The following CSMD2 variants were observed in gnomAD, a reference collection of about 807,000 sequenced individuals.
CSMD2 encodes the protein CUB and Sushi multiple domains 2.
Under a neutral mutation model 398.5 loss-of-function variants are expected in CSMD2, and 130 were observed. The observed-to-expected ratio is 0.33, with a 90% CI of 0.28 to 0.38. The LOEUF is 0.38. CSMD2 is among the 10% of genes least tolerant of loss of function. CSMD2 has a pLI of 1.00. For synonymous variants in CSMD2, 1,828 were observed against 1,908.5 expected (o/e 0.96, Z 1.10); for missense variants, 3,829 against 4,764.9 (o/e 0.80, Z 5.78).
intron 41 of CSMD2, among the ~76,000 whole-genome samples, chr1:33,607,239 G>A (rs1245100130): frequency 6.6e-6 from 1 of 152,218 alleles, no homozygotes; most frequent in African/African-American, 2.4e-5. Context: ...AGTTGCTTAT[G>A]CTGCTACTAA....
Position 33,547,837 on chromosome 1 carries a change from A to G in CSMD2, c.8918-1618T>C, listed in dbSNP as rs552019291. Among the ~76,000 whole-genome samples, 266 of 152,316 alleles carry G rather than the reference A, an allele frequency of 1.7e-3. 1 individual carries two copies. Among genetic ancestry groups the G allele is most frequent in the Non-Finnish European group, 2.7e-3 (184 of 68,030 alleles). ...ACACTGGCTAGCTAACCTCAGCTGG[A>G]GCTAGCACTATTGTAAAATAGGCAC... is the stretch of plus-strand genomic sequence containing the variant. On this transcript the variant is annotated intron_variant, in intron 56 of 70. Coordinates refer to ENST00000373381, the MANE Select transcript of CSMD2 (RefSeq NM_001281956.2).
At chr1:33,904,865 C>A (rs1390238889) in intron 5 of CSMD2, among the ~76,000 whole-genome samples, 1 of 152,144 alleles carries the variant, frequency 6.6e-6, no homozygotes, top group Non-Finnish European at 1.5e-5. Context: ...CCAGGATGGT[C>A]TCAATCTCCT....
At chr1:33,606,133 C>T in intron 41 of CSMD2, 3 of 1,255,904 alleles carry the variant, frequency 2.4e-6, no homozygotes, top group African/African-American at 1.5e-5. Context: ...TCCATGGAAG[C>T]AGCTGAGGCC....
Position 33,587,149 on chromosome 1 carries a change from G to A in CSMD2, c.6876C>T (p.Cys2292=), listed in dbSNP as rs1283125712. ...IAFSAYPLTK[C]PPPTILPNAE... is the part of the protein sequence containing the mutation. ...CGTTGGGGAGGATGGTGGGAGGAGG[G>A]CATTTGGTGAGTGGATAAGCTGAAA... The change falls in exon 45 of 71, where the codon TGC becomes TGT. Residue 2292 remains cysteine, a synonymous_variant. Transcript: ENST00000373381. 6.2e-7 allele frequency: 1 copy of A among 1,609,850 alleles called. No individual in the cohort carries two copies. The highest frequency in any genetic ancestry group is 1.1e-5 in the South Asian group (1 of 89,568).
Position 33,714,873 on chromosome 1 carries a change from C to A in CSMD2, c.3218-98G>T, listed in dbSNP as rs1646115478. 11 of 1,198,934 alleles carry A rather than the reference C, an allele frequency of 9.2e-6. No homozygotes were observed. In the South Asian group the frequency reaches 9.8e-5, roughly 11 times the overall value. 74.3% of individuals were successfully genotyped at this position (1,198,934 alleles called of 1,614,324 possible). ...AGGCAAAACACCAGGGGGAAAGGGC[C>A]AGGGACAACGAAAGACAGAGAAGAG... On this transcript the variant is annotated intron_variant, in intron 20 of 70. Coordinates refer to ENST00000373381, the MANE Select transcript of CSMD2 (RefSeq NM_001281956.2).
At chr1:33,664,379 GACATTGTTATATAACACAATTTC>G (rs1418269901) in intron 25 of CSMD2, among the ~76,000 whole-genome samples, 1 of 152,016 alleles carries the variant, frequency 6.6e-6, no homozygotes, top group Non-Finnish European at 1.5e-5. Flanking sequence ...TGCAGAAATG[GACATTGTTATATAACACAATTTC>G]ACATGAAATT....
At position 33,546,159 on chromosome 1, in the gene CSMD2, T is replaced by C. The variant is rs1239110222; in HGVS notation, c.8978A>G (p.Asp2993Gly). The change falls in exon 57 of 71, where the codon GAC (aspartate) becomes GGC (glycine). Residue 2993 changes from aspartate to glycine, a missense_variant. Asp to Gly is a moderately conservative substitution (Grantham distance 94). Coordinates refer to ENST00000373381, the MANE Select transcript of CSMD2 (RefSeq NM_001281956.2). ...CATCACAGTGCCTGGATCAAAGCTG[T>C]CCCCCAAACGGATGCCATGAGCCGG... ...GIPAHGIRLGDSFDPGTVMRF... is the reference protein window; with the variant it reads ...GIPAHGIRLGGSFDPGTVMRF... The C allele has an allele frequency of 9.3e-6, 15 of 1,614,040 alleles. No individual in the cohort carries two copies. The Admixed American group carries it at 1.0e-4, about 11-fold the overall frequency.
At chr1:33,703,825 C>T (rs1011384549) in intron 22 of CSMD2, among the ~76,000 whole-genome samples, 2 of 152,140 alleles carry the variant, frequency 1.3e-5, no homozygotes, top group African/African-American at 2.4e-5. Context: ...TGCTTTATAT[C>T]CTTGCTGATA....
chr1:33,905,786 C>T (rs1643052064), intron 5 of CSMD2, among the ~76,000 whole-genome samples: 1 of 152,162 alleles, frequency 6.6e-6, no homozygotes, highest in South Asian at 2.1e-4. Flanking sequence ...CAGGAGAGGG[C>T]TGGCCTTTGA....
chr1:33,525,036 C>G lies in CSMD2; in HGVS notation c.10242G>C (p.Gly3414=). 2 of 1,614,118 alleles carry G rather than the reference C, an allele frequency of 1.2e-6. No homozygotes were observed. Among genetic ancestry groups the G allele is most frequent in the Non-Finnish European group, 1.7e-6 (2 of 1,180,006 alleles). ...ACAGGGAATTCTTGGCAAAAACATCCCCAGGAACTAGAGGAATTGAGAAAT... is the reference window on the plus strand; with the variant it reads ...ACAGGGAATTCTTGGCAAAAACATCGCCAGGAACTAGAGGAATTGAGAAAT... ...EPPLTQALIP[G]DVFAKNSLWK... Residue 3414 remains glycine (G), a synonymous_variant, in exon 66 of 71, where the codon GGG becomes GGC. Transcript: ENST00000373381.
intron 1 of CSMD2, among the ~76,000 whole-genome samples, chr1:34,118,630 ATTTGT>A (rs1235282891): frequency 6.6e-6 from 1 of 152,194 alleles, no homozygotes; most frequent in African/African-American, 2.4e-5. Flanking sequence ...TAAAAAGGAG[ATTTGT>A]TTTGTTTTTT....
intron 1 of CSMD2, among the ~76,000 whole-genome samples, chr1:34,093,357 T>G (rs946734444): frequency 2.6e-5 from 4 of 152,074 alleles, no homozygotes; most frequent in African/African-American, 9.7e-5. Context: ...GCGCCTCTCC[T>G]CCTCCAAAGG....
intron 2 of CSMD2, among the ~76,000 whole-genome samples, chr1:34,071,780 C>T (rs534654060): frequency 6.6e-4 from 100 of 152,344 alleles, no homozygotes; most frequent in African/African-American, 2.3e-3. Flanking sequence ...ATAAACTGTT[C>T]GCCAAAGACA....
chr1:33,672,280 G>A (rs193025664), intron 25 of CSMD2, among the ~76,000 whole-genome samples: 132 of 152,330 alleles, frequency 8.7e-4, no homozygotes, highest in African/African-American at 3.0e-3. Flanking sequence ...CTAATACTGC[G>A]CTTTTCCAAT....
intron 2 of CSMD2, among the ~76,000 whole-genome samples, chr1:34,075,267 C>T (rs148859818): frequency 2.4e-4 from 36 of 152,252 alleles, no homozygotes; most frequent in Non-Finnish European, 4.4e-5. Flanking sequence ...CTCCCAGCCT[C>T]CTTCTGCCCA....
At chr1:33,555,663 C>T (rs528118123) in intron 55 of CSMD2, among the ~76,000 whole-genome samples, 2 of 152,322 alleles carry the variant, frequency 1.3e-5, no homozygotes, top group South Asian at 4.1e-4. Flanking sequence ...CAGTCATCAA[C>T]ATTGAGGCAA....
intron 3 of CSMD2, among the ~76,000 whole-genome samples, chr1:33,983,783 G>C (rs2147965662): frequency 6.6e-6 from 1 of 152,268 alleles, no homozygotes; most frequent in Middle Eastern, 3.4e-3. Flanking sequence ...CTGCCTCCCT[G>C]AAGCTGTTAG....
chr1:33,661,816 C>T (rs1644143884), intron 26 of CSMD2, among the ~76,000 whole-genome samples: 1 of 152,164 alleles, frequency 6.6e-6, no homozygotes, highest in African/African-American at 2.4e-5. Flanking sequence ...TCAGTGGTGC[C>T]AGGGATATAC....
At chr1:33,521,112 C>G (rs1654237587) in intron 68 of CSMD2, among the ~76,000 whole-genome samples, 1 of 152,196 alleles carries the variant, frequency 6.6e-6, no homozygotes, top group South Asian at 2.1e-4. Flanking sequence ...AGCTCTAAGA[C>G]ACTCCACAGT....
Sources: gnomAD v4.1 joint callset for allele counts (sites outside exome capture counted in the v4.1 genomes callset) on GRCh38, gnomAD v4.1.1 for gene constraint, MANE v1.5 for transcripts, NCBI Gene and HGNC (gene_info 2026-07-23, HGNC 2026-07-21) for gene names.